Variants in GFRA2 observed in about 807,000 individuals in gnomAD.
GFRA2 encodes GDNF family receptor alpha 2.
In GFRA2, 17 loss-of-function variants were observed where a neutral mutation model predicts 48.3. The ratio of observed to expected loss-of-function variants is 0.35; its 90% CI spans 0.24 to 0.53. The LOEUF is 0.53. Among genes scored for constraint, GFRA2 ranks in the 20% least tolerant of loss-of-function variants. The probability of loss-of-function intolerance (pLI) is 0.93; values close to 1 mark genes in which losing one functional copy is unlikely to be tolerated. For synonymous variants in GFRA2, 305 were observed against 257.2 expected, an observed-to-expected ratio of 1.19 and a Z score of -1.78; for missense variants, 660 against 637.3, an observed-to-expected ratio of 1.04 and a Z score of -0.38.
intron 2 of GFRA2, among the ~76,000 whole-genome samples, chr8:21,781,418 T>C (rs977616271): frequency 3.9e-5 from 6 of 152,164 alleles, no homozygotes; most frequent in Admixed American, 3.9e-4. Context: ...ACAGTGGGCC[T>C]TTCCATGCTG....
intron 2 of GFRA2, among the ~76,000 whole-genome samples, chr8:21,794,276 T>A (rs1807630532): frequency 8.4e-6 from 1 of 119,362 alleles, no homozygotes; most frequent in Admixed American, 1.1e-4. Context: ...GGAGTCTCAC[T>A]CTGTCGCCCA....
At chr8:21,790,275 T>C (rs914637180), upstream of GFRA2, among the ~76,000 whole-genome samples, 14 of 152,112 alleles carry the variant, frequency 9.2e-5, no homozygotes, top group Non-Finnish European at 1.5e-4. Flanking sequence ...CGCACTCAGC[T>C]CGGCGCGCAC....
chr8:21,697,103 A>T, intron 7 of GFRA2, among the ~76,000 whole-genome samples: 1 of 147,628 alleles, frequency 6.8e-6, no homozygotes, highest in African/African-American at 2.5e-5. Flanking sequence ...AGGGGAAGGG[A>T]CAGAGGAGAG....
intron 3 of GFRA2, among the ~76,000 whole-genome samples, chr8:21,763,770 C>G (rs1563254771): frequency 6.6e-6 from 1 of 151,872 alleles, no homozygotes; most frequent in Non-Finnish European, 1.5e-5. Context: ...CATCCGTCCC[C>G]CTACCCTGTC....
intron 4 of GFRA2, among the ~76,000 whole-genome samples, chr8:21,711,733 G>A (rs1431766837): frequency 6.8e-6 from 1 of 147,086 alleles, no homozygotes; most frequent in African/African-American, 2.6e-5. Flanking sequence ...TCGCAGAGGG[G>A]GATTTGGCAG....
chr8:21,777,487 C>T (rs1015275815), intron 2 of GFRA2, among the ~76,000 whole-genome samples: 1 of 152,188 alleles, frequency 6.6e-6, no homozygotes, highest in Admixed American at 6.5e-5. Context: ...TAGCCTGTTT[C>T]TGCCACAGAA....
At chr8:21,700,697 T>C (rs1405233074) in intron 7 of GFRA2, among the ~76,000 whole-genome samples, 1 of 152,254 alleles carries the variant, frequency 6.6e-6, no homozygotes, top group East Asian at 1.9e-4. Flanking sequence ...GGGACCCAAC[T>C]GGCTACCATC....
upstream of GFRA2, among the ~76,000 whole-genome samples, chr8:21,792,128 T>C (rs897275307): frequency 1.3e-5 from 2 of 152,154 alleles, no homozygotes; most frequent in African/African-American, 4.8e-5. Flanking sequence ...CTTTCTCTTA[T>C]CTCTCTAGTC....
intron 4 of GFRA2, among the ~76,000 whole-genome samples, chr8:21,719,571 C>A (rs1259082329): frequency 6.6e-6 from 1 of 152,206 alleles, no homozygotes; most frequent in Non-Finnish European, 1.5e-5. Context: ...TCACTATAGA[C>A]TTGCTGTCAC....
At position 21,769,792 on chromosome 8, in the gene GFRA2, C is replaced by G. The variant is rs113519800; in HGVS notation, c.439+5180G>C. Among the ~76,000 whole-genome samples, 17 of 152,132 alleles carry G rather than the reference C, an allele frequency of 1.1e-4. No individual in the cohort carries two copies. The East Asian group carries it at 2.9e-3, about 26-fold the overall frequency. Reference sequence around the variant, plus strand: ...GACAAAGTGCTGTGGCACCAGGGGCCGGTGGTGGTTACCTCTCAGAGGCCG... The same window carrying G: ...GACAAAGTGCTGTGGCACCAGGGGCGGGTGGTGGTTACCTCTCAGAGGCCG... On this transcript the variant is annotated intron_variant, in intron 3 of 8. Coordinates refer to ENST00000524240, the MANE Select transcript of GFRA2 (RefSeq NM_001495.5).
intron 3 of GFRA2, among the ~76,000 whole-genome samples, chr8:21,762,846 C>T (rs1288958590): frequency 6.6e-6 from 1 of 151,794 alleles, no homozygotes; most frequent in East Asian, 1.9e-4. Flanking sequence ...GGGTTTTTAC[C>T]ATTCTCATAC....
At chr8:21,809,970 C>T (rs1264561203) in intron 1 of GFRA2, among the ~76,000 whole-genome samples, 2 of 152,148 alleles carry the variant, frequency 1.3e-5, no homozygotes, top group African/African-American at 2.4e-5. Flanking sequence ...TGTTGCTTCT[C>T]CTACAGTCCT....
At chr8:21,731,156 C>A (rs149683362) in intron 4 of GFRA2, among the ~76,000 whole-genome samples, 9 of 152,148 alleles carry the variant, frequency 5.9e-5, no homozygotes, top group Non-Finnish European at 4.4e-5. Flanking sequence ...ACTCCCCCAG[C>A]GTCACGTGGC....
intron 3 of GFRA2, among the ~76,000 whole-genome samples, chr8:21,766,469 C>A (rs1331644642): frequency 6.6e-6 from 1 of 151,912 alleles, no homozygotes; most frequent in Non-Finnish European, 1.5e-5. Flanking sequence ...AGTGAGTTAT[C>A]TGGGGATAAA....
chr8:21,773,290 T>C (rs1193247378), intron 3 of GFRA2, among the ~76,000 whole-genome samples: 14 of 152,106 alleles, frequency 9.2e-5, no homozygotes, highest in East Asian at 1.9e-4. Context: ...CCACTGGGGG[T>C]TATGATGCTG....
chr8:21,761,721 G>A (rs1416652141), intron 3 of GFRA2, among the ~76,000 whole-genome samples: 1 of 152,112 alleles, frequency 6.6e-6, no homozygotes, highest in African/African-American at 2.4e-5. Context: ...AGGCCAAGGT[G>A]GGTGGATTGC....
intron 4 of GFRA2, among the ~76,000 whole-genome samples, chr8:21,721,393 C>T (rs1422552335): frequency 6.6e-6 from 1 of 152,194 alleles, no homozygotes; most frequent in Non-Finnish European, 1.5e-5. Flanking sequence ...AAGCACCACT[C>T]TTAACATGAA....
At chr8:21,728,598 C>A (rs1476114808) in intron 4 of GFRA2, among the ~76,000 whole-genome samples, 1 of 152,090 alleles carries the variant, frequency 6.6e-6, no homozygotes, top group East Asian at 1.9e-4. Context: ...TTCATAAGCA[C>A]CATGATGGAT....
chr8:21,719,624 T>C (rs1401264758), intron 4 of GFRA2, among the ~76,000 whole-genome samples: 5 of 152,208 alleles, frequency 3.3e-5, no homozygotes, highest in Non-Finnish European at 7.3e-5. Flanking sequence ...AATTATTCAG[T>C]GAGGATGACT....
Sources: gnomAD v4.1 joint callset for allele counts (sites outside exome capture counted in the v4.1 genomes callset) on GRCh38, gnomAD v4.1.1 for gene constraint, MANE v1.5 for transcripts, NCBI Gene and HGNC (gene_info 2026-07-23, HGNC 2026-07-21) for gene names.